Variants in LRCH3 observed in about 807,000 individuals in gnomAD.
LRCH3 encodes leucine rich repeats and calponin homology domain containing 3, also known as DISP complex protein LRCH3.
A neutral mutation model predicts 104.5 loss-of-function variants in LRCH3; 68 were observed. That is an observed-to-expected ratio of 0.65 (90% confidence interval 0.54 to 0.80). The LOEUF (loss-of-function observed/expected upper bound fraction) is 0.80, where lower values mean the gene tolerates loss of function less well. Ranked by LOEUF, LRCH3 falls within the 30% of genes least tolerant of loss-of-function variation. LRCH3 has a pLI of 0.00. For synonymous variants in LRCH3, 344 were observed against 361.3 expected (o/e 0.95, Z 0.54); for missense variants, 951 against 953.9 (o/e 1.00, Z 0.04).
intron 1 of LRCH3, among the ~76,000 whole-genome samples, chr3:197,805,281 T>C (rs932972420): frequency 6.6e-6 from 1 of 152,224 alleles, no homozygotes; most frequent in Non-Finnish European, 1.5e-5. Context: ...GGACTATCCT[T>C]GATAACTTTT....
chr3:197,814,467 C>G lies in LRCH3; in HGVS notation c.263-441C>G, dbSNP rs560161642. On this transcript the variant is annotated intron_variant, in intron 1 of 20. Transcript: ENST00000425562. Reference sequence around the variant, plus strand: ...GTTTACAAGATAGTGTATTAGTTCTCTGTCATCTTTTTTGGGTGTGTGTCA... The same window carrying G: ...GTTTACAAGATAGTGTATTAGTTCTGTGTCATCTTTTTTGGGTGTGTGTCA... Among the ~76,000 whole-genome samples, 121 of 152,296 alleles carry G rather than the reference C, an allele frequency of 7.9e-4. 2 individuals are homozygous for G. Among genetic ancestry groups the G allele is most frequent in the African/African-American group, 2.7e-3 (111 of 41,562 alleles).
At chr3:197,826,313 A>G (rs651648) in intron 4 of LRCH3, among the ~76,000 whole-genome samples, 112,229 of 152,088 alleles carry the variant, frequency 0.74, 42,844 homozygotes, top group East Asian at 0.94. Context: ...GGGATGAAGT[A>G]GGATAGGGTG....
At chr3:197,868,040 C>G (rs890407478) in intron 17 of LRCH3, among the ~76,000 whole-genome samples, 3 of 151,892 alleles carry the variant, frequency 2.0e-5, no homozygotes, top group Admixed American at 6.6e-5. Context: ...ACAAAAAAAA[C>G]ACAACTTACC....
intron 1 of LRCH3, among the ~76,000 whole-genome samples, chr3:197,795,971 G>A (rs553104604): frequency 1.3e-5 from 2 of 152,210 alleles, no homozygotes; most frequent in African/African-American, 4.8e-5. Context: ...GATTACAGGT[G>A]TGACCCACCG....
intron 1 of LRCH3, among the ~76,000 whole-genome samples, chr3:197,800,965 G>C (rs1163775368): frequency 6.6e-6 from 1 of 151,872 alleles, no homozygotes; most frequent in Non-Finnish European, 1.5e-5. Flanking sequence ...TGTGGTGGCG[G>C]GCGCCTGTAA....
chr3:197,857,452 A>C (rs1188297965), intron 14 of LRCH3, among the ~76,000 whole-genome samples: 1 of 145,554 alleles, frequency 6.9e-6, no homozygotes, highest in Admixed American at 6.8e-5. Context: ...ATCAGTTTAC[A>C]CTGACATTGT....
At chr3:197,808,397 T>A (rs1421359822) in intron 1 of LRCH3, among the ~76,000 whole-genome samples, 1 of 152,220 alleles carries the variant, frequency 6.6e-6, no homozygotes, top group Non-Finnish European at 1.5e-5. Flanking sequence ...TCTAGCAAAC[T>A]CATACGCTGT....
chr3:197,815,898 T>C (rs984468796), intron 2 of LRCH3, among the ~76,000 whole-genome samples: 3 of 152,218 alleles, frequency 2.0e-5, no homozygotes, highest in African/African-American at 4.8e-5. Context: ...TTTCCTTCTG[T>C]TTTTCCAGGC....
chr3:197,882,209 T>TCCTA (rs1055546696), intron 20 of LRCH3: 2 of 985,220 alleles, frequency 2.0e-6, no homozygotes, highest in African/African-American at 3.5e-5. Context: ...GCCGCGCAGG[T>TCCTA]CCTAGGGCGC....
intron 4 of LRCH3, among the ~76,000 whole-genome samples, chr3:197,826,261 T>A (rs1735191319): frequency 6.6e-6 from 1 of 152,202 alleles, no homozygotes; most frequent in South Asian, 2.1e-4. Flanking sequence ...AAGCTCCATT[T>A]CTTCTTCGTT....
intron 9 of LRCH3, among the ~76,000 whole-genome samples, chr3:197,836,033 GAAGA>G (rs1244425069): frequency 2.0e-5 from 3 of 152,132 alleles, no homozygotes; most frequent in Admixed American, 2.0e-4. Flanking sequence ...TTTCAAACAA[GAAGA>G]AAGATTTCAG....
intron 20 of LRCH3, chr3:197,882,713 G>T: frequency 1.0e-6 from 1 of 985,228 alleles, no homozygotes; most frequent in Non-Finnish European, 1.2e-6. Context: ...CACAAGAAAG[G>T]GTTAACCTAA....
chr3:197,792,577 T>TATATATATA (rs1730660774), intron 1 of LRCH3, among the ~76,000 whole-genome samples: 19 of 20,346 alleles, frequency 9.3e-4, no homozygotes, highest in African/African-American at 2.2e-3. Flanking sequence ...CCAGCTAATT[T>TATATATATA]TATATATATA....
intron 4 of LRCH3, among the ~76,000 whole-genome samples, chr3:197,820,823 G>A (rs557362899): frequency 6.6e-6 from 1 of 151,332 alleles, no homozygotes; most frequent in Non-Finnish European, 1.5e-5. Context: ...AACGGGGTGG[G>A]GAGAGAGAGA....
At chr3:197,827,087 A>T in intron 5 of LRCH3, 73 bp downstream of exon 5, 1 of 1,585,868 alleles carries the variant, frequency 6.3e-7, no homozygotes, top group East Asian at 2.2e-5. Flanking sequence ...GCATCTGGTG[A>T]ACCATAGTGG....
chr3:197,862,174 T>G (rs1740960333), intron 15 of LRCH3, among the ~76,000 whole-genome samples: 1 of 152,154 alleles, frequency 6.6e-6, no homozygotes, highest in Non-Finnish European at 1.5e-5. Flanking sequence ...TTTTGTATTT[T>G]TAGTAGAGAT....
At chr3:197,866,320 CAAAG>C in intron 17 of LRCH3, 101 bp downstream of exon 17, 2 of 767,100 alleles carry the variant, frequency 2.6e-6, no homozygotes, top group South Asian at 1.5e-5. Flanking sequence ...TAGTATAAGA[CAAAG>C]CTATCAGCTC....
At position 197,883,428 on chromosome 3, in the gene LRCH3, A is replaced by T. The variant is rs1713957932; in HGVS notation, c.2209-113A>T. 1 of 1,404,338 alleles carries T rather than the reference A, an allele frequency of 7.1e-7. No individual in the cohort carries two copies. Among genetic ancestry groups the T allele is most frequent in the Non-Finnish European group, 9.3e-7 (1 of 1,071,094 alleles). 87.0% of individuals were successfully genotyped at this position (1,404,338 alleles called of 1,614,324 possible). On this transcript the variant is annotated intron_variant, in intron 20 of 20. Transcript: ENST00000425562. The surrounding 1 kb of genome is among the most constrained non-coding windows in gnomAD (Gnocchi z 4.2). ...GTCAGTTTCCCAGGTACTAATTTTC[A>T]TATCTAAGTTGATGATTGTGAAGGG...
chr3:197,854,550 T>C lies in LRCH3; in HGVS notation c.1644+105T>C. 1 of 1,091,772 alleles carries C rather than the reference T, an allele frequency of 9.2e-7. No homozygotes were observed. The highest frequency in any genetic ancestry group is 1.3e-5 in the South Asian group (1 of 78,702). The allele number at this position is 1,091,772 out of a possible 1,614,324, so 67.6% of individuals were successfully genotyped here. On this transcript the variant is annotated intron_variant, in intron 14 of 20. Transcript: ENST00000425562. This position sits in a 1 kb window ranked among gnomAD's most constrained non-coding sequence, Gnocchi z 4.5. ...CATAAAACATGATGAACATCATTAC[T>C]AAATGCTTTATGAAGAACTAAACCA... is the stretch of plus-strand genomic sequence containing the variant.
Sources: gnomAD v4.1 joint callset for allele counts (sites outside exome capture counted in the v4.1 genomes callset) on GRCh38, gnomAD v4.1.1 for gene constraint, Gnocchi (gnomAD v3.1) non-coding constraint, MANE v1.5 for transcripts, NCBI Gene and HGNC (gene_info 2026-07-23, HGNC 2026-07-21) for gene names.